Variants in PDE3A observed in about 807,000 individuals in gnomAD.
PDE3A encodes cGMP-inhibited 3',5'-cyclic phosphodiesterase 3A.
Under a neutral mutation model 98.3 loss-of-function variants are expected in PDE3A, and 43 were observed. That is an observed-to-expected ratio of 0.44 (90% CI 0.34 to 0.56). The LOEUF is 0.56. Ranked by LOEUF, PDE3A falls within the 20% of genes least tolerant of loss-of-function variation. The probability of loss-of-function intolerance (pLI) is 0.01; values close to 1 mark genes in which losing one functional copy is unlikely to be tolerated. For missense variants in PDE3A, 1,427 were observed against 1,440.7 expected (o/e 0.99, Z 0.15); for synonymous variants, 663 against 567.9 (o/e 1.17, Z -2.38).
At chr12:20,516,747 A>G (rs183011371) in intron 1 of PDE3A, among the ~76,000 whole-genome samples, 159 of 152,318 alleles carry the variant, frequency 1.0e-3, no homozygotes, top group African/African-American at 3.6e-3. Context: ...TTTATTTTCT[A>G]ATTTGTTAAG....
At chr12:20,461,006 G>T (rs1945238887) in intron 1 of PDE3A, among the ~76,000 whole-genome samples, 1 of 152,066 alleles carries the variant, frequency 6.6e-6, no homozygotes, top group Non-Finnish European at 1.5e-5. Flanking sequence ...TTGAAATGTA[G>T]AGTCCGTATC....
At chr12:20,432,153 C>T (rs1392341509) in intron 1 of PDE3A, among the ~76,000 whole-genome samples, 2 of 152,158 alleles carry the variant, frequency 1.3e-5, no homozygotes, top group Non-Finnish European at 2.9e-5. Flanking sequence ...ACAGAAGTGG[C>T]ATGGCTCTGA....
At chr12:20,377,558 G>C (rs1185769065) in intron 1 of PDE3A, among the ~76,000 whole-genome samples, 1 of 151,612 alleles carries the variant, frequency 6.6e-6, no homozygotes, top group Non-Finnish European at 1.5e-5. Flanking sequence ...TGTAATATTT[G>C]AGATACTAAT....
At chr12:20,577,492 C>T (rs1942963259) in intron 2 of PDE3A, among the ~76,000 whole-genome samples, 1 of 152,168 alleles carries the variant, frequency 6.6e-6, no homozygotes, top group African/African-American at 2.4e-5. Flanking sequence ...ACACATTAAA[C>T]TGAACCGCAT....
At chr12:20,657,569 A>C (rs1945072357) in intron 15 of PDE3A, among the ~76,000 whole-genome samples, 2 of 152,298 alleles carry the variant, frequency 1.3e-5, no homozygotes, top group South Asian at 4.1e-4. Flanking sequence ...ACAGTGAACT[A>C]AGAGGTTCCT....
At chr12:20,475,564 A>T (rs1945517429) in intron 1 of PDE3A, among the ~76,000 whole-genome samples, 1 of 151,932 alleles carries the variant, frequency 6.6e-6, no homozygotes, top group Non-Finnish European at 1.5e-5. Context: ...CCCCATCTCT[A>T]CCAAAAAATA....
chr12:20,407,998 C>A (rs571000305), intron 1 of PDE3A, among the ~76,000 whole-genome samples: 2 of 152,208 alleles, frequency 1.3e-5, no homozygotes, highest in Admixed American at 6.6e-5. Flanking sequence ...TGGCTCACTG[C>A]AACCTCCGTC....
intron 1 of PDE3A, among the ~76,000 whole-genome samples, chr12:20,484,258 A>G (rs576234147): frequency 6.8e-4 from 104 of 152,298 alleles, no homozygotes; most frequent in African/African-American, 2.3e-3. Flanking sequence ...TGGGATTTTT[A>G]TCTCTTAAAA....
chr12:20,679,994 A>C (rs1236686190), intron 15 of PDE3A, 36 bp from the exon 16 acceptor site: 1 of 1,501,706 alleles, frequency 6.7e-7, no homozygotes, highest in Non-Finnish European at 9.1e-7. Context: ...ACAACTAAGT[A>C]GTCTGATTTG....
intron 1 of PDE3A, 141 bp from the exon 2 acceptor site, chr12:20,556,519 G>C (rs1942372145): frequency 1.6e-6 from 1 of 630,816 alleles, no homozygotes; most frequent in Admixed American, 2.9e-5. Flanking sequence ...TACTAATTTA[G>C]GTATGTTAAT....
intron 9 of PDE3A, among the ~76,000 whole-genome samples, chr12:20,639,529 A>G (rs542182433): frequency 2.6e-5 from 4 of 152,262 alleles, no homozygotes; most frequent in Admixed American, 2.0e-4. Flanking sequence ...TATTTTTGCC[A>G]TAGTGAGACT....
At position 20,616,247 on chromosome 12, in the gene PDE3A, G is replaced by C. The variant is rs529590087; in HGVS notation, c.1287G>C (p.Leu429Phe). 1.9e-6 allele frequency: 3 copies of C among 1,613,850 alleles called. No individual in the cohort carries two copies. Among genetic ancestry groups the C allele is most frequent in the Non-Finnish European group, 2.5e-6 (3 of 1,179,860 alleles). Residue 429 changes from leucine (L) to phenylalanine (F), a missense_variant, in exon 4 of 16, where the codon TTG becomes TTC. Around this residue, in one of 3 missense-constraint regions of PDE3A, gnomAD observed 1,012 missense variants for 886.5 expected, o/e 1.14. Coordinates refer to ENST00000359062, the MANE Select transcript of PDE3A (RefSeq NM_000921.5). ...TTTCCTAGCGCCTGAGAAGGAGTTT[G>C]CCTCCTGGCTTGTTGAGACGAGTTT... is the stretch of plus-strand genomic sequence containing the variant. ...LAIPKRLRRS[L>F]PPGLLRRVSS...
intron 1 of PDE3A, among the ~76,000 whole-genome samples, chr12:20,414,173 A>G (rs888200496): frequency 6.6e-6 from 1 of 152,222 alleles, no homozygotes; most frequent in Non-Finnish European, 1.5e-5. Flanking sequence ...ATATTTGATT[A>G]TATGCCTATA....
chr12:20,378,508 A>C (rs577856893), intron 1 of PDE3A, among the ~76,000 whole-genome samples: 2 of 151,838 alleles, frequency 1.3e-5, no homozygotes, highest in Non-Finnish European at 3.0e-5. Flanking sequence ...ACTGCAGATT[A>C]ATATAGACAG....
intron 4 of PDE3A, among the ~76,000 whole-genome samples, chr12:20,619,646 T>C (rs1056777121): frequency 2.0e-5 from 3 of 152,108 alleles, no homozygotes; most frequent in Non-Finnish European, 4.4e-5. Flanking sequence ...ATTTCCTAAA[T>C]GCCAAGAACT....
chr12:20,477,934 C>A (rs564139634), intron 1 of PDE3A, among the ~76,000 whole-genome samples: 1 of 152,102 alleles, frequency 6.6e-6, no homozygotes. Flanking sequence ...TAAGCCATTC[C>A]TTCCAGATCG....
intron 14 of PDE3A, among the ~76,000 whole-genome samples, chr12:20,651,576 C>T (rs1048667088): frequency 3.9e-5 from 6 of 152,026 alleles, no homozygotes. Context: ...ATATACCAGT[C>T]TATAGAAGTT....
At chr12:20,673,401 G>A (rs1315642048) in intron 15 of PDE3A, among the ~76,000 whole-genome samples, 13 of 145,172 alleles carry the variant, frequency 9.0e-5, no homozygotes, top group Non-Finnish European at 1.5e-4. Flanking sequence ...ACATGCACAC[G>A]TATGTTTATT....
intron 15 of PDE3A, among the ~76,000 whole-genome samples, chr12:20,661,958 A>G (rs6487126): frequency 1 from 152,075 of 152,156 alleles, 75,998 homozygotes; most frequent in Non-Finnish European, 1. Context: ...AGCTGGCACC[A>G]TGTGCCTGGA....
Sources: allele counts gnomAD v4.1 joint callset (sites outside exome capture counted in the v4.1 genomes callset), GRCh38; gene constraint gnomAD v4.1.1; regional missense constraint gnomAD v4.1.1; transcripts MANE v1.5; gene names NCBI Gene and HGNC (gene_info 2026-07-23, HGNC 2026-07-21).